The following PCDHAC2 variants were observed in gnomAD, a reference collection of about 807,000 sequenced individuals.
PCDHAC2 encodes protocadherin alpha-C2.
A neutral mutation model predicts 63.3 loss-of-function variants in PCDHAC2; 24 were observed. The observed-to-expected ratio is 0.38, with a 90% confidence interval of 0.27 to 0.53. The LOEUF (loss-of-function observed/expected upper bound fraction) is 0.53. Ranked by LOEUF, PCDHAC2 falls within the 20% of genes least tolerant of loss-of-function variation. The pLI, the probability that PCDHAC2 is intolerant of heterozygous loss-of-function variation, is 0.81. For missense variants in PCDHAC2, 1,181 were observed against 1,275.2 expected, an observed-to-expected ratio of 0.93 and a Z score of 1.12; for synonymous variants, 569 against 529.4, an observed-to-expected ratio of 1.07 and a Z score of -1.03.
Position 140,969,168 on chromosome 5 carries a change from C to T in PCDHAC2, c.2402C>T (p.Ser801Leu), listed in dbSNP as rs1554231530. Residue 801 changes from serine (S) to leucine (L), a missense_variant, in exon 1 of 4, where the codon TCA becomes TTA. By Grantham distance (145) the Ser-to-Leu change is moderately radical (BLOSUM62 -2). Around this residue, in one of 3 missense-constraint regions of PCDHAC2, gnomAD observed 968 missense variants for 1,073.5 expected, o/e 0.90. Transcript: ENST00000289269. ...YCYKACLTAGSGSDTFMFYNT... is the reference protein window; with the variant it reads ...YCYKACLTAGLGSDTFMFYNT... ...TACAAGGCCTGTCTGACAGCAGGCTCAGGGAGTGACACTTTCATGTTTTAC... is the reference window on the plus strand; with the variant it reads ...TACAAGGCCTGTCTGACAGCAGGCTTAGGGAGTGACACTTTCATGTTTTAC... 2 of 1,614,088 alleles carry T rather than the reference C, an allele frequency of 1.2e-6. No individual in the cohort carries two copies. Among genetic ancestry groups the T allele is most frequent in the Non-Finnish European group, 1.7e-6 (2 of 1,180,016 alleles).
At chr5:140,993,321 G>A (rs1021026330) in intron 3 of PCDHAC2, among the ~76,000 whole-genome samples, 58 of 152,134 alleles carry the variant, frequency 3.8e-4, no homozygotes, top group African/African-American at 5.3e-4. Context: ...TACCTTCTAA[G>A]TGTTTGTGAT....
chr5:140,987,263 G>C (rs1034230893), intron 3 of PCDHAC2, among the ~76,000 whole-genome samples: 14 of 151,908 alleles, frequency 9.2e-5, no homozygotes, highest in Non-Finnish European at 1.8e-4. Context: ...CTCAGGAATG[G>C]GACCCGGCAG....
At chr5:140,983,588 C>T (rs530448589) in intron 3 of PCDHAC2, among the ~76,000 whole-genome samples, 2 of 152,270 alleles carry the variant, frequency 1.3e-5, no homozygotes, top group East Asian at 3.9e-4. Flanking sequence ...TACATCTATT[C>T]TACATATGAG....
At chr5:141,003,094 A>G (rs2098111645) in intron 3 of PCDHAC2, among the ~76,000 whole-genome samples, 1 of 152,230 alleles carries the variant, frequency 6.6e-6, no homozygotes, top group African/African-American at 2.4e-5. Flanking sequence ...CAGGCCTGGC[A>G]TTTGCTTCAC....
intron 3 of PCDHAC2, among the ~76,000 whole-genome samples, chr5:140,984,430 A>T (rs1236503699): frequency 6.6e-6 from 1 of 152,080 alleles, no homozygotes; most frequent in East Asian, 1.9e-4. Flanking sequence ...AGAGAAGGGG[A>T]TCTCCCTTGT....
chr5:140,966,836 C>T lies in PCDHAC2; in HGVS notation c.70C>T (p.Leu24=). Residue 24 remains leucine (L), a synonymous_variant, in exon 1 of 4, where the codon CTG becomes TTG. Transcript: ENST00000289269. ...PRLRRPMPWL[L]LLPLLLLLLL... ...GCTCCGGCGGCCCATGCCCTGGCTG[C>T]TGCTACTGCCTCTCCTGCTGCTGTT... 1 of 1,565,250 alleles carries T rather than the reference C, an allele frequency of 6.4e-7. No homozygotes were observed. Among genetic ancestry groups the T allele is most frequent in the Non-Finnish European group, 8.6e-7 (1 of 1,159,472 alleles).
Position 140,988,605 on chromosome 5 carries a change from A to G in PCDHAC2, c.2713+6042A>G, listed in dbSNP as rs558232011. Among the ~76,000 whole-genome samples, 7 of 152,332 alleles carry G rather than the reference A, an allele frequency of 4.6e-5. No homozygotes were observed. In the East Asian group the frequency reaches 1.2e-3, roughly 25 times the overall value. On this transcript the variant is annotated intron_variant, in intron 3 of 3. Coordinates refer to ENST00000289269, the MANE Select transcript of PCDHAC2 (RefSeq NM_018899.6). ...TTCCACTTTTAATGGTCATGTAAAT[A>G]AAAGACTAGAATGGAGATGTCCTGG...
In PCDHAC2 at chr5:140,992,017, CTGTGTG is replaced by C. The variant is rs10602499; in HGVS notation, c.2713+9486_2713+9491del. On this transcript the variant is annotated intron_variant, in intron 3 of 3. Coordinates refer to ENST00000289269, the MANE Select transcript of PCDHAC2 (RefSeq NM_018899.6). ...CTTTCATGTTCAGGCAGAGGTGGCT[CTGTGTG>C]TGTGTGTGTGTGTGTGTGTGTGTGT... 2.1e-3 allele frequency among the ~76,000 whole-genome samples: 300 copies of C among 145,496 alleles called. 2 individuals carry two copies. The highest frequency in any genetic ancestry group is 4.8e-3 in the African/African-American group (189 of 39,270).
chr5:140,979,797 C>T (rs1253949980), intron 2 of PCDHAC2, among the ~76,000 whole-genome samples: 1 of 152,154 alleles, frequency 6.6e-6, no homozygotes, highest in African/African-American at 2.4e-5. Flanking sequence ...AACAAATGAT[C>T]ACAACTATCA....
At chr5:141,004,255 G>T (rs782648685) in intron 3 of PCDHAC2, among the ~76,000 whole-genome samples, 2 of 152,190 alleles carry the variant, frequency 1.3e-5, no homozygotes, top group Non-Finnish European at 2.9e-5. Flanking sequence ...TTGTTTTACT[G>T]GAATGAGTCA....
rs782792392 is a variant in PCDHAC2 at position 140,968,964 on chromosome 5, G to A, written c.2198G>A (p.Arg733His). 7.4e-6 allele frequency: 12 copies of A among 1,614,136 alleles called. No individual in the cohort carries two copies. The highest frequency in any genetic ancestry group is 4.5e-5 in the East Asian group (2 of 44,886). ...IIILSIIKCYRYTAYGTACCG... is the reference protein window; with the variant it reads ...IIILSIIKCYHYTAYGTACCG... ...ATTTTGAGCATCATCAAGTGCTACCGCTACACTGCGTATGGCACTGCATGC... is the reference window on the plus strand; with the variant it reads ...ATTTTGAGCATCATCAAGTGCTACCACTACACTGCGTATGGCACTGCATGC... The change falls in exon 1 of 4, where the codon CGC becomes CAC. Residue 733 changes from arginine to histidine, a missense_variant. Arg to His is a conservative substitution (Grantham distance 29). This residue lies in a region of PCDHAC2 where 968 missense variants were observed against 1,073.5 expected (regional missense o/e 0.90). Coordinates refer to ENST00000289269, the MANE Select transcript of PCDHAC2 (RefSeq NM_018899.6).
rs2096189054 is a variant in PCDHAC2, at chr5:140,967,837, C to T, written c.1071C>T (p.Asp357=). ...GHCKVLVDIV[D]VNDNAPEVVL... Reference sequence around the variant, plus strand: ...GCAAGGTGCTGGTGGACATCGTGGACGTGAATGACAATGCCCCAGAGGTGG... The same window carrying T: ...GCAAGGTGCTGGTGGACATCGTGGATGTGAATGACAATGCCCCAGAGGTGG... The change falls in exon 1 of 4, where the codon GAC becomes GAT. Residue 357 remains aspartate, a synonymous_variant. Coordinates refer to ENST00000289269, the MANE Select transcript of PCDHAC2 (RefSeq NM_018899.6). 4 of 1,613,994 alleles carry T rather than the reference C, an allele frequency of 2.5e-6. No homozygotes were observed. The highest frequency in any genetic ancestry group is 2.7e-5 in the African/African-American group (2 of 74,908).
chr5:140,989,403 G>A (rs1327699534), intron 3 of PCDHAC2, among the ~76,000 whole-genome samples: 4 of 152,182 alleles, frequency 2.6e-5, no homozygotes, highest in African/African-American at 9.7e-5. Context: ...GGAGGGTGGA[G>A]AGTCTGCACT....
intron 1 of PCDHAC2, among the ~76,000 whole-genome samples, chr5:140,974,029 A>G (rs2096612369): frequency 6.6e-6 from 1 of 152,238 alleles, no homozygotes; most frequent in Admixed American, 6.5e-5. Flanking sequence ...ACAACTATAA[A>G]TTTAGCTTAT....
At position 140,966,633 on chromosome 5, in the gene PCDHAC2, C is replaced by T. The variant is rs2096029445; in HGVS notation, c.-134C>T. ...GGCCTACGGAGGGAGCGGCCCCAGG[C>T]GCTTTCTAGAGCGTGAGCGGTGGGG... On this transcript the variant is annotated 5_prime_UTR_variant, in exon 1 of 4. Transcript: ENST00000289269. 9 of 1,005,684 alleles carry T rather than the reference C, an allele frequency of 8.9e-6. No homozygotes were observed. In the South Asian group the frequency reaches 1.6e-4, roughly 18 times the overall value. 62.3% of individuals were successfully genotyped at this position (1,005,684 alleles called of 1,614,324 possible).
At chr5:140,997,720 G>C (rs973128921) in intron 3 of PCDHAC2, among the ~76,000 whole-genome samples, 1 of 151,568 alleles carries the variant, frequency 6.6e-6, no homozygotes, top group African/African-American at 2.4e-5. Flanking sequence ...ACCTTTCTAC[G>C]TCAGTACATA....
At chr5:141,004,935 A>C (rs1554259817) in intron 3 of PCDHAC2, among the ~76,000 whole-genome samples, 1 of 152,112 alleles carries the variant, frequency 6.6e-6, no homozygotes, top group African/African-American at 2.4e-5. Flanking sequence ...GAGAGAAGAA[A>C]ATTTCTTACC....
At position 140,969,203 on chromosome 5, in the gene PCDHAC2, G is replaced by A. The variant is rs781962982; in HGVS notation, c.2437G>A (p.Ala813Thr). The change falls in exon 1 of 4, where the codon GCC (alanine) becomes ACC (threonine). Residue 813 changes from alanine to threonine, a missense_variant. Coordinates refer to ENST00000289269, the MANE Select transcript of PCDHAC2 (RefSeq NM_018899.6). ...SDTFMFYNTG[A>T]QTGPGPSGAQ... ...CACTTTCATGTTTTACAATACAGGGGCCCAGACAGGACCAGGGCCTTCGGG... is the reference window on the plus strand; with the variant it reads ...CACTTTCATGTTTTACAATACAGGGACCCAGACAGGACCAGGGCCTTCGGG... 2 of 1,614,178 alleles carry A rather than the reference G, an allele frequency of 1.2e-6. No homozygotes were observed. The highest frequency in any genetic ancestry group is 8.5e-7 in the Non-Finnish European group (1 of 1,180,046).
chr5:140,978,974 G>T lies in PCDHAC2; in HGVS notation c.2591G>T (p.Arg864Leu). ...NEPRQPNPDW[R>L]YSASLRAGMH... is the part of the protein sequence containing the mutation. ...CCACGACAGCCCAACCCTGACTGGC[G>T]TTACTCTGCCTCCCTGAGAGCAGGC... Residue 864 changes from arginine to leucine, a missense_variant, in exon 2 of 4, where the codon CGT becomes CTT. Arg to Leu is a moderately radical substitution (Grantham distance 102, BLOSUM62 -2). Coordinates refer to ENST00000289269, the MANE Select transcript of PCDHAC2 (RefSeq NM_018899.6). 6.2e-7 allele frequency: 1 copy of T among 1,614,130 alleles called. No individual in the cohort carries two copies. Among genetic ancestry groups the T allele is most frequent in the East Asian group, 2.2e-5 (1 of 44,882 alleles).
Sources: gnomAD v4.1 joint callset for allele counts (sites outside exome capture counted in the v4.1 genomes callset) on GRCh38, gnomAD v4.1.1 for gene constraint, gnomAD v4.1.1 regional missense constraint, MANE v1.5 for transcripts, NCBI Gene and HGNC (gene_info 2026-07-23, HGNC 2026-07-21) for gene names.